FIGLA: variants seen among roughly 807,000 people sequenced by gnomAD.
FIGLA encodes factor in the germline alpha.
A neutral mutation model predicts 21.5 loss-of-function variants in FIGLA; 17 were observed. The ratio of observed to expected loss-of-function variants is 0.79; its 90% CI spans 0.54 to 1.19. The LOEUF is 1.19. Ranked by LOEUF, FIGLA falls within the 50% of genes most tolerant of loss-of-function variation. The pLI, the probability that FIGLA is intolerant of heterozygous loss-of-function variation, is 0.00. For synonymous variants in FIGLA, 129 were observed against 117.6 expected (o/e 1.10, Z -0.63); for missense variants, 282 against 285.0 (o/e 0.99, Z 0.08).
chr2:70,784,035 T>C (rs1361752765), intron 3 of FIGLA, among the ~76,000 whole-genome samples: 1 of 152,176 alleles, frequency 6.6e-6, no homozygotes, highest in Non-Finnish European at 1.5e-5. Flanking sequence ...TGTCAGCTCA[T>C]GTAGTAGCAA....
At chr2:70,784,519 T>C (rs577070935) in intron 3 of FIGLA, among the ~76,000 whole-genome samples, 1 of 152,128 alleles carries the variant, frequency 6.6e-6, no homozygotes, top group African/African-American at 2.4e-5. Flanking sequence ...TTAGAGGCAT[T>C]TAGTAGCTCA....
At chr2:70,786,363 G>A (rs1400639122) in intron 2 of FIGLA, among the ~76,000 whole-genome samples, 1 of 151,846 alleles carries the variant, frequency 6.6e-6, no homozygotes, top group East Asian at 1.9e-4. Context: ...GAGTGCAGTG[G>A]CGCCATCTCA....
intron 1 of FIGLA, among the ~76,000 whole-genome samples, chr2:70,790,042 C>T (rs1004183926): frequency 6.6e-6 from 1 of 152,220 alleles, no homozygotes; most frequent in Non-Finnish European, 1.5e-5. Flanking sequence ...CACCCACCAG[C>T]GCCTACGGTG....
Position 70,783,285 on chromosome 2 carries a change from G to C in FIGLA, c.609+2130C>G, listed in dbSNP as rs146579567. Reference sequence around the variant, plus strand: ...TTCCAATTAACAACAAACTTGGTTGGCTAAAAAGACTAAATATTAAGTGTT... The same window carrying C: ...TTCCAATTAACAACAAACTTGGTTGCCTAAAAAGACTAAATATTAAGTGTT... On this transcript the variant is annotated intron_variant, in intron 3 of 4. Transcript: ENST00000332372. 1.3e-3 allele frequency among the ~76,000 whole-genome samples: 196 copies of C among 152,222 alleles called. 2 individuals carry two copies. In the East Asian group the frequency reaches 0.034, roughly 26 times the overall value.
rs781954824 is a variant in FIGLA at position 70,790,363 on chromosome 2, G to C, written c.231+45C>G. 6.8e-6 allele frequency: 10 copies of C among 1,478,890 alleles called. No individual in the cohort carries two copies. In the South Asian group the frequency reaches 1.0e-4, roughly 15 times the overall value. The allele number at this position is 1,478,890 out of a possible 1,614,324, so 91.6% of individuals were successfully genotyped here. A position where few individuals can be genotyped will look rare whatever the true frequency, so the allele number is the denominator to read the frequency against. ...GGTGTTGACCAGGTGTTTGGTGGTA[G>C]AGCAGGGAAGGGGGGAACGGACGTC... On this transcript the variant is annotated intron_variant, in intron 1 of 4. Transcript: ENST00000332372.
chr2:70,780,494 C>T (rs1413947852), intron 3 of FIGLA, among the ~76,000 whole-genome samples: 1 of 152,096 alleles, frequency 6.6e-6, no homozygotes, highest in Non-Finnish European at 1.5e-5. Flanking sequence ...TACGAGGATC[C>T]TTTTGTCAAA....
Position 70,786,319 on chromosome 2 carries a change from G to T in FIGLA, c.385-680C>A, listed in dbSNP as rs187253403. 1.7e-4 allele frequency among the ~76,000 whole-genome samples: 25 copies of T among 150,326 alleles called. 1 individual carries two copies. The highest frequency in any genetic ancestry group is 4.2e-4 in the South Asian group (2 of 4,726). On this transcript the variant is annotated intron_variant, in intron 2 of 4. Coordinates refer to ENST00000332372, the MANE Select transcript of FIGLA (RefSeq NM_001004311.3). ...GGACTTCTAGGTTTTCTTTTTTTTG[G>T]GGGGGGACAGAGTCTCGCTCTGTTG...
At chr2:70,783,340 C>T (rs538584728) in intron 3 of FIGLA, among the ~76,000 whole-genome samples, 2 of 152,338 alleles carry the variant, frequency 1.3e-5, no homozygotes, top group African/African-American at 2.4e-5. Flanking sequence ...AAATTCCAGT[C>T]AGAACATCTC....
rs1054028554 is a variant in FIGLA at position 70,783,344 on chromosome 2, A to G, written c.609+2071T>C. 2.0e-5 allele frequency among the ~76,000 whole-genome samples: 3 copies of G among 152,236 alleles called. No homozygotes were observed. In the South Asian group the frequency reaches 6.2e-4, roughly 31 times the overall value. ...TTTTTTGAAGGAAATTCCAGTCAGA[A>G]CATCTCTGGCTTTTACTAGGAAACG... On this transcript the variant is annotated intron_variant, in intron 3 of 4. Coordinates refer to ENST00000332372, the MANE Select transcript of FIGLA (RefSeq NM_001004311.3).
intron 3 of FIGLA, among the ~76,000 whole-genome samples, chr2:70,779,064 T>C (rs1445076619): frequency 3.9e-5 from 6 of 151,938 alleles, no homozygotes; most frequent in African/African-American, 1.5e-4. Flanking sequence ...AGCCCCTAAA[T>C]CCCCAAAGTA....
rs71647803 is a variant in FIGLA at position 70,790,628 on chromosome 2, G to T, written c.11C>A (p.Ala4Glu). 1.1e-5 allele frequency: 15 copies of T among 1,414,886 alleles called. No homozygotes were observed. The East Asian group carries it at 4.5e-4, about 42-fold the overall frequency. 87.6% of individuals were successfully genotyped at this position (1,414,886 alleles called of 1,614,324 possible). A position where few individuals can be genotyped will look rare whatever the true frequency, so the allele number is the denominator to read the frequency against. The change falls in exon 1 of 5, where the codon GCG becomes GAG. Residue 4 changes from alanine (A) to glutamate (E), a missense_variant. Coordinates refer to ENST00000332372, the MANE Select transcript of FIGLA (RefSeq NM_001004311.3). Reference protein sequence around the residue: MDPAPGVLDPRAAP... With the variant: MDPEPGVLDPRAAP... ...GGCGCGGGGATCTAGGACGCCGGGC[G>T]CGGGGTCCATGGCAGGGCCGAGGCC...
chr2:70,789,844 ACACT>A (rs782120303), intron 1 of FIGLA, among the ~76,000 whole-genome samples: 4 of 152,142 alleles, frequency 2.6e-5, no homozygotes, highest in South Asian at 4.2e-4. Context: ...CGACTGGGAA[ACACT>A]CACTTTATCT....
At position 70,777,351 on chromosome 2, in the gene FIGLA, T is replaced by G. The variant is rs1675778015; in HGVS notation, c.*16A>C. On this transcript the variant is annotated 3_prime_UTR_variant, in exon 5 of 5. Transcript: ENST00000332372. ...TTTATTTGTCTCTAGAAGGTAACCC[T>G]GGGCCTTTTCATTTTTCATACTTGT... 2 of 1,488,678 alleles carry G rather than the reference T, an allele frequency of 1.3e-6. No homozygotes were observed. Among genetic ancestry groups the G allele is most frequent in the East Asian group, 4.9e-5 (2 of 40,444 alleles). 92.2% of individuals were successfully genotyped at this position (1,488,678 alleles called of 1,614,324 possible). A position where few individuals can be genotyped will look rare whatever the true frequency, so the allele number is the denominator to read the frequency against.
At chr2:70,783,801 G>C (rs1461577225) in intron 3 of FIGLA, among the ~76,000 whole-genome samples, 5 of 151,350 alleles carry the variant, frequency 3.3e-5, no homozygotes, top group Non-Finnish European at 5.9e-5. Context: ...AGGTTCAAGC[G>C]ATTCTCCTGC....
At chr2:70,786,592 C>A (rs1675962258) in intron 2 of FIGLA, among the ~76,000 whole-genome samples, 1 of 152,208 alleles carries the variant, frequency 6.6e-6, no homozygotes, top group Admixed American at 6.5e-5. Flanking sequence ...GCGTGAGCCA[C>A]CGCGCCTGGC....
At position 70,777,643 on chromosome 2, in the gene FIGLA, C is replaced by T. The variant is rs782567570; in HGVS notation, c.638G>A (p.Ser213Asn). 7 of 1,587,950 alleles carry T rather than the reference C, an allele frequency of 4.4e-6. No homozygotes were observed. Among genetic ancestry groups the T allele is most frequent in the Non-Finnish European group, 6.0e-6 (7 of 1,159,842 alleles). Residue 213 changes from serine (S) to asparagine (N), a missense_variant, in exon 4 of 5, where the codon AGT (serine) becomes AAT (asparagine). By Grantham distance (46) the Ser-to-Asn change is conservative. Transcript: ENST00000332372. ...LDRFPEVELL[S>N]HRLPQV ...AGGTTATAGAATGACCTACCTGTGA[C>T]TCAGCAGTTCTACTTCTGGGAATCT...
At chr2:70,789,232 A>C (rs1676013340) in intron 1 of FIGLA, among the ~76,000 whole-genome samples, 1 of 152,144 alleles carries the variant, frequency 6.6e-6, no homozygotes, top group South Asian at 2.1e-4. Context: ...CACAGTAGTT[A>C]TATCTGTGTT....
intron 2 of FIGLA, among the ~76,000 whole-genome samples, 175 bp from the exon 3 acceptor site, chr2:70,785,814 C>G (rs7566700): frequency 6.6e-6 from 1 of 152,030 alleles, no homozygotes; most frequent in Non-Finnish European, 1.5e-5. Context: ...GTTCTCCTAT[C>G]ATCTTAAAAT....
At chr2:70,780,366 C>A (rs1675833138) in intron 3 of FIGLA, among the ~76,000 whole-genome samples, 1 of 152,184 alleles carries the variant, frequency 6.6e-6, no homozygotes, top group African/African-American at 2.4e-5. Flanking sequence ...ATCTTAAGCT[C>A]CTCTGGATAT....
Sources: gnomAD v4.1 joint callset for allele counts (sites outside exome capture counted in the v4.1 genomes callset) on GRCh38, gnomAD v4.1.1 for gene constraint, MANE v1.5 for transcripts, NCBI Gene and HGNC (gene_info 2026-07-23, HGNC 2026-07-21) for gene names.